Variants in CD109 observed in about 807,000 individuals in gnomAD.
CD109 encodes the protein CD109 antigen.
Under a neutral mutation model 165.8 loss-of-function variants are expected in CD109, and 149 were observed. That is an observed-to-expected ratio of 0.90 (90% CI 0.79 to 1.03). The LOEUF is 1.03. CD109 is among the 50% of genes least tolerant of loss of function. The pLI, the probability that CD109 is intolerant of heterozygous loss-of-function variation, is 0.00. For missense variants in CD109, 1,712 were observed against 1,677.8 expected (o/e 1.02, Z -0.36); for synonymous variants, 585 against 592.1 (o/e 0.99, Z 0.18).
chr6:73,708,052 G>A (rs1174171716), intron 2 of CD109, among the ~76,000 whole-genome samples: 1 of 146,176 alleles, frequency 6.8e-6, no homozygotes. Context: ...ACAACATGCA[G>A]GTTTGTTACA....
In CD109 at chr6:73,818,382, A is replaced by G. The variant is rs1776006459; in HGVS notation, c.3912-6A>G. On this transcript the variant is annotated splice_polypyrimidine_tract_variant and splice_region_variant and intron_variant, in intron 30 of 32. Coordinates refer to ENST00000287097, the MANE Select transcript of CD109 (RefSeq NM_133493.5). ...AGTTTTCATTCATCCTCCCTCTTTG[A>G]TTTAGCTTTTCGGGCCCGGGTAGGA... 1 of 1,613,572 alleles carries G rather than the reference A, an allele frequency of 6.2e-7. No individual in the cohort carries two copies. Among genetic ancestry groups the G allele is most frequent in the Non-Finnish European group, 8.5e-7 (1 of 1,179,830 alleles).
Position 73,811,142 on chromosome 6 carries a change from G to A in CD109, c.3697G>A (p.Ala1233Thr), listed in dbSNP as rs766280964. ...DTHNRLLLQT[A>T]ELAVVQPTAV... The stretch of plus-strand genomic sequence containing the variant: ...ACACAACCGCTTACTCCTTCAGACA[G>A]CAGAGGTGTGGGCAAGGGGCAGTTA... The change falls in exon 28 of 33, where the codon GCA (alanine) becomes ACA (threonine). Residue 1233 changes from alanine to threonine, a missense_variant. Physicochemically the swap from Ala to Thr is moderately conservative, Grantham distance 58. Transcript: ENST00000287097. The A allele has an allele frequency of 9.3e-6, 15 of 1,612,168 alleles. No homozygotes were observed. Among genetic ancestry groups the A allele is most frequent in the Middle Eastern group, 1.6e-4 (1 of 6,068 alleles).
At chr6:73,682,367 C>G in the CD109 span, among the ~76,000 whole-genome samples, 1 of 152,204 alleles carries the variant, frequency 6.6e-6, no homozygotes, top group Non-Finnish European at 1.5e-5. Flanking sequence ...GTGGGGCAGT[C>G]AAATCTTAAA....
In CD109 at chr6:73,724,613, ATTTTTT is replaced by A. The variant is rs11386114; in HGVS notation, c.276+1348_276+1353del. ...AAGCCAGGTTCGCTCATTACCTTAA[ATTTTTT>A]TTTTTTTTTTTTTGAGACAGGTCTT... On this transcript the variant is annotated intron_variant, in intron 3 of 32. Transcript: ENST00000287097. Among the ~76,000 whole-genome samples the A allele has an allele frequency of 1.6e-4, 21 of 135,152 alleles. No individual in the cohort carries two copies. The East Asian group carries it at 4.5e-3, about 29-fold the overall frequency. The allele number at this position is 135,152 out of a possible 152,430, so 88.7% of individuals were successfully genotyped here.
chr6:73,811,497 C>CCA (rs1444595795), intron 28 of CD109, among the ~76,000 whole-genome samples: 1 of 152,088 alleles, frequency 6.6e-6, no homozygotes, highest in Non-Finnish European at 1.5e-5. Flanking sequence ...ACATCTATCC[C>CCA]CATCATACAT....
At chr6:73,732,642 C>T (rs1479165623) in intron 4 of CD109, among the ~76,000 whole-genome samples, 1 of 152,222 alleles carries the variant, frequency 6.6e-6, no homozygotes, top group Non-Finnish European at 1.5e-5. Context: ...TTCAATGCTT[C>T]CTTCTACTGC....
At chr6:73,820,887 T>TTCTA (rs1776085090) in intron 32 of CD109, among the ~76,000 whole-genome samples, 2 of 152,294 alleles carry the variant, frequency 1.3e-5, no homozygotes, top group Admixed American at 1.3e-4. Context: ...TTGCAAGGTA[T>TTCTA]TGCTTCTATT....
At chr6:73,788,373 C>A in intron 21 of CD109, 95 bp from the exon 22 acceptor site, 1 of 1,060,126 alleles carries the variant, frequency 9.4e-7, no homozygotes, top group Non-Finnish European at 1.3e-6. Flanking sequence ...AAACCTCAGA[C>A]ACAACAGGTC....
chr6:73,750,291 G>A (rs1355050711), intron 5 of CD109, among the ~76,000 whole-genome samples: 4 of 152,172 alleles, frequency 2.6e-5, no homozygotes, highest in East Asian at 3.9e-4. Context: ...TGAGCTAGAT[G>A]TATTTGGACT....
At chr6:73,788,707 A>G in intron 22 of CD109, 95 bp downstream of exon 22, 1 of 1,159,840 alleles carries the variant, frequency 8.6e-7, no homozygotes, top group Non-Finnish European at 1.2e-6. Flanking sequence ...ATTGAGTCCT[A>G]ATAAGAAGAG....
intron 22 of CD109, among the ~76,000 whole-genome samples, chr6:73,791,162 T>TATACACATAC (rs1774931751): frequency 2.8e-5 from 1 of 36,330 alleles, no homozygotes; most frequent in Non-Finnish European, 5.1e-5. Flanking sequence ...TATATATATA[T>TATACACATAC]ATATATATAT....
At chr6:73,752,435 C>G (rs1773228615) in intron 5 of CD109, among the ~76,000 whole-genome samples, 1 of 152,148 alleles carries the variant, frequency 6.6e-6, no homozygotes, top group Non-Finnish European at 1.5e-5. Flanking sequence ...TTTTCTCTTT[C>G]CCACTTCATT....
At chr6:73,796,733 C>T (rs1487117572) in intron 23 of CD109, among the ~76,000 whole-genome samples, 1 of 152,086 alleles carries the variant, frequency 6.6e-6, no homozygotes, top group African/African-American at 2.4e-5. Flanking sequence ...TCTGAAGCGC[C>T]CCCACAGTGT....
At chr6:73,744,830 C>T (rs1220456328) in intron 5 of CD109, among the ~76,000 whole-genome samples, 3 of 152,108 alleles carry the variant, frequency 2.0e-5, no homozygotes, top group African/African-American at 4.8e-5. Context: ...AACTTTGGGG[C>T]CAGACTTTAG....
chr6:73,815,130 G>A lies in CD109; in HGVS notation c.3911+7G>A. On this transcript the variant is annotated splice_region_variant and intron_variant, in intron 30 of 32. Transcript: ENST00000287097. Reference sequence around the variant, plus strand: ...ATTTGAATGTGTGTACAAGGTAAGTGTCTGCTTAGGTCTCTCTTCTTTTTT... The same window carrying A: ...ATTTGAATGTGTGTACAAGGTAAGTATCTGCTTAGGTCTCTCTTCTTTTTT... 1 of 1,554,640 alleles carries A rather than the reference G, an allele frequency of 6.4e-7. No individual in the cohort carries two copies. Among genetic ancestry groups the A allele is most frequent in the Non-Finnish European group, 8.6e-7 (1 of 1,160,540 alleles).
At chr6:73,813,449 A>G (rs1183476745) in intron 29 of CD109, among the ~76,000 whole-genome samples, 17 of 152,120 alleles carry the variant, frequency 1.1e-4, no homozygotes, top group Admixed American at 1.0e-3. Context: ...CACAGGGGTA[A>G]ATGTGGTACC....
chr6:73,749,177 G>A (rs915261567), intron 5 of CD109, among the ~76,000 whole-genome samples: 8 of 152,206 alleles, frequency 5.3e-5, no homozygotes, highest in Non-Finnish European at 8.8e-5. Context: ...CTTACAATCA[G>A]AAAAGCTTCG....
At chr6:73,795,980 T>C (rs1306121230) in intron 23 of CD109, among the ~76,000 whole-genome samples, 1 of 152,188 alleles carries the variant, frequency 6.6e-6, no homozygotes, top group African/African-American at 2.4e-5. Flanking sequence ...ATAGTAGAAT[T>C]AGTTGCCTCT....
At chr6:73,746,869 T>C (rs1459560110) in intron 5 of CD109, among the ~76,000 whole-genome samples, 1 of 152,222 alleles carries the variant, frequency 6.6e-6, no homozygotes. Context: ...AGAATATTTG[T>C]AATCCTTTCT....
Sources: allele counts gnomAD v4.1 joint callset (sites outside exome capture counted in the v4.1 genomes callset), GRCh38; gene constraint gnomAD v4.1.1; transcripts MANE v1.5; gene names NCBI Gene and HGNC (gene_info 2026-07-23, HGNC 2026-07-21).